The following ACOXL variants were observed in gnomAD, a reference collection of about 807,000 sequenced individuals.
The protein encoded by ACOXL is acyl-CoA oxidase like.
ACOXL carries 70 observed loss-of-function variants against 71.9 expected under a neutral mutation model. The observed-to-expected ratio is 0.97, with a 90% confidence interval of 0.80 to 1.19. The LOEUF (loss-of-function observed/expected upper bound fraction) is 1.19, where lower values mean the gene tolerates loss of function less well. Among genes scored for constraint, ACOXL ranks in the 50% most tolerant of loss-of-function variants. The pLI, the probability that ACOXL is intolerant of heterozygous loss-of-function variation, is 0.00. For synonymous variants in ACOXL, 253 were observed against 281.6 expected (o/e 0.90, Z 1.02); for missense variants, 703 against 736.3 (o/e 0.95, Z 0.52).
At chr2:110,964,572 C>CCACAT (rs1228932835) in intron 12 of ACOXL, among the ~76,000 whole-genome samples, 4 of 152,228 alleles carry the variant, frequency 2.6e-5, no homozygotes, top group African/African-American at 9.6e-5. Flanking sequence ...CAAGATGGCA[C>CCACAT]AGCCTACTCC....
chr2:110,941,345 C>T (rs963233506), intron 12 of ACOXL, among the ~76,000 whole-genome samples: 4 of 152,070 alleles, frequency 2.6e-5, no homozygotes, highest in African/African-American at 9.7e-5. Context: ...CTGAAATAAT[C>T]AAAAAATGGA....
chr2:111,014,988 A>G (rs1018141005), intron 14 of ACOXL, among the ~76,000 whole-genome samples: 1 of 152,258 alleles, frequency 6.6e-6, no homozygotes, highest in African/African-American at 2.4e-5. Context: ...ATAGACTTCA[A>G]TGTAAAAGGG....
At chr2:110,808,126 A>G (rs1371278703) in intron 9 of ACOXL, among the ~76,000 whole-genome samples, 2 of 151,976 alleles carry the variant, frequency 1.3e-5, no homozygotes, top group Non-Finnish European at 2.9e-5. Flanking sequence ...TGTGTTTGGG[A>G]GGGGAGGGAG....
rs113506325 is a variant in ACOXL at position 110,886,292 on chromosome 2, C to T, written c.789-22497C>T. On this transcript the variant is annotated intron_variant, in intron 10 of 17. Coordinates refer to ENST00000439055, the MANE Select transcript of ACOXL (RefSeq NM_001142807.4). ...TAGTTTGGCATTTTTAACCATGGGT[C>T]GGCCACATTGCACAGGCATTTTCTC... Among the ~76,000 whole-genome samples, 15 of 152,042 alleles carry T rather than the reference C, an allele frequency of 9.9e-5. 1 individual carries two copies. The highest frequency in any genetic ancestry group is 2.9e-4 in the African/African-American group (12 of 41,470).
intron 9 of ACOXL, among the ~76,000 whole-genome samples, chr2:110,834,650 AG>A (rs1287719867): frequency 6.6e-6 from 1 of 152,208 alleles, no homozygotes; most frequent in Non-Finnish European, 1.5e-5. Flanking sequence ...ATGTTCCTAA[AG>A]CCCATAACCA....
chr2:110,830,776 C>T (rs1241408607), intron 9 of ACOXL, among the ~76,000 whole-genome samples: 1 of 151,972 alleles, frequency 6.6e-6, no homozygotes, highest in East Asian at 1.9e-4. Context: ...CTTGTGATCC[C>T]CCCACCTCGG....
intron 10 of ACOXL, among the ~76,000 whole-genome samples, chr2:110,866,902 C>G (rs1694669997): frequency 6.6e-6 from 1 of 152,156 alleles, no homozygotes; most frequent in Non-Finnish European, 1.5e-5. Context: ...CCTGTCTGGT[C>G]TGGTCAGGGA....
chr2:111,038,069 C>T (rs762205239), intron 15 of ACOXL, among the ~76,000 whole-genome samples: 21 of 152,104 alleles, frequency 1.4e-4, no homozygotes, highest in Non-Finnish European at 2.9e-4. Flanking sequence ...CAAAGGGAGC[C>T]AACATTCAGT....
intron 11 of ACOXL, among the ~76,000 whole-genome samples, chr2:110,916,435 C>T (rs1274436660): frequency 1.3e-5 from 2 of 152,004 alleles, no homozygotes; most frequent in Admixed American, 6.6e-5. Context: ...ATTTATAGCA[C>T]TAAATGCCCA....
chr2:110,768,511 TGTGAGAGAGAGA>T, intron 2 of ACOXL, 47 bp downstream of exon 2: 1 of 1,403,022 alleles, frequency 7.1e-7, no homozygotes, highest in Non-Finnish European at 9.9e-7. Context: ...TGTGTGTGTG[TGTGAGAGAGAGA>T]GAGAGAGAGA....
chr2:111,013,540 A>G (rs2064273485), intron 14 of ACOXL, among the ~76,000 whole-genome samples: 2 of 151,360 alleles, frequency 1.3e-5, no homozygotes, highest in Non-Finnish European at 3.0e-5. Flanking sequence ...AAAAAAAAAA[A>G]AAAAAGAAGT....
At chr2:111,064,484 C>G (rs186599187) in intron 16 of ACOXL, among the ~76,000 whole-genome samples, 2 of 149,042 alleles carry the variant, frequency 1.3e-5, no homozygotes, top group Non-Finnish European at 3.0e-5. Flanking sequence ...TTGCATATAA[C>G]TTATGCACAA....
At chr2:111,076,506 C>T (rs1188403277) in intron 16 of ACOXL, among the ~76,000 whole-genome samples, 1 of 151,982 alleles carries the variant, frequency 6.6e-6, no homozygotes, top group African/African-American at 2.4e-5. Context: ...TGGTACACAA[C>T]TTAGGTTTTT....
At chr2:110,875,968 A>G (rs1244352104) in intron 10 of ACOXL, among the ~76,000 whole-genome samples, 1 of 152,060 alleles carries the variant, frequency 6.6e-6, no homozygotes, top group Non-Finnish European at 1.5e-5. Flanking sequence ...AATCCACTCT[A>G]CTGTATTTTA....
intron 10 of ACOXL, among the ~76,000 whole-genome samples, chr2:110,883,953 A>C (rs1028861324): frequency 6.6e-6 from 1 of 152,210 alleles, no homozygotes; most frequent in African/African-American, 2.4e-5. Flanking sequence ...AAAGTAGTTA[A>C]TTCATGTGAT....
At chr2:110,757,057 C>G (rs974853505) in intron 1 of ACOXL, among the ~76,000 whole-genome samples, 7 of 152,062 alleles carry the variant, frequency 4.6e-5, no homozygotes, top group African/African-American at 1.7e-4. Context: ...CTCCTCCAAC[C>G]CCCCCCAAGA....
At chr2:110,936,879 G>C (rs1329044261) in intron 12 of ACOXL, among the ~76,000 whole-genome samples, 1 of 146,526 alleles carries the variant, frequency 6.8e-6, no homozygotes, top group Non-Finnish European at 1.5e-5. Context: ...ATGGAGTCTT[G>C]CTGTGTTGCC....
intron 10 of ACOXL, among the ~76,000 whole-genome samples, chr2:110,855,570 A>G (rs981607411): frequency 6.6e-6 from 1 of 152,210 alleles, no homozygotes; most frequent in African/African-American, 2.4e-5. Flanking sequence ...AAAATATATG[A>G]TATGTACTGT....
chr2:110,897,028 A>C (rs1398636687), intron 10 of ACOXL, among the ~76,000 whole-genome samples: 1 of 152,206 alleles, frequency 6.6e-6, no homozygotes, highest in Non-Finnish European at 1.5e-5. Context: ...ATACAGAGTG[A>C]GTTCTCTGAC....
Sources: allele counts gnomAD v4.1 joint callset (sites outside exome capture counted in the v4.1 genomes callset), GRCh38; gene constraint gnomAD v4.1.1; transcripts MANE v1.5; gene names NCBI Gene and HGNC (gene_info 2026-07-23, HGNC 2026-07-21).